The following LRP1B variants were observed in gnomAD, a reference collection of about 807,000 sequenced individuals.
LRP1B encodes low-density lipoprotein receptor-related protein 1B.
LRP1B carries 217 observed loss-of-function variants against 556.6 expected under a neutral mutation model. The ratio of observed to expected loss-of-function variants is 0.39; its 90% CI spans 0.35 to 0.44. The LOEUF (loss-of-function observed/expected upper bound fraction) is 0.44, where lower values mean the gene tolerates loss of function less well. Among genes scored for constraint, LRP1B ranks in the 20% least tolerant of loss-of-function variants. The pLI, the probability that LRP1B is intolerant of heterozygous loss-of-function variation, is 1.00. For missense variants in LRP1B, 5,053 were observed against 5,620.8 expected (o/e 0.90, Z 3.23); for synonymous variants, 2,047 against 1,865.8 (o/e 1.10, Z -2.50).
intron 2 of LRP1B, among the ~76,000 whole-genome samples, chr2:141,543,908 C>G (rs758755776): frequency 2.6e-5 from 4 of 152,082 alleles, no homozygotes; most frequent in African/African-American, 4.8e-5. Flanking sequence ...TACACTGATT[C>G]TCCTCACAGC....
At chr2:141,093,177 T>C (rs1056140006) in intron 7 of LRP1B, among the ~76,000 whole-genome samples, 5 of 151,052 alleles carry the variant, frequency 3.3e-5, no homozygotes, top group Non-Finnish European at 5.9e-5. Context: ...CCAGAGAGAG[T>C]AGAAGGAAAC....
At chr2:141,803,264 G>T (rs1696068765) in intron 2 of LRP1B, among the ~76,000 whole-genome samples, 1 of 150,304 alleles carries the variant, frequency 6.7e-6, no homozygotes, top group Non-Finnish European at 1.5e-5. Context: ...ACCCATTAGT[G>T]CATTGTGAGA....
At chr2:140,562,931 T>G (rs1216816411) in intron 43 of LRP1B, among the ~76,000 whole-genome samples, 1 of 151,976 alleles carries the variant, frequency 6.6e-6, no homozygotes, top group Non-Finnish European at 1.5e-5. Context: ...TTTTTTTAAG[T>G]TGAAAAGTAA....
At chr2:140,801,286 G>T (rs1452616089) in intron 32 of LRP1B, among the ~76,000 whole-genome samples, 1 of 152,102 alleles carries the variant, frequency 6.6e-6, no homozygotes, top group Non-Finnish European at 1.5e-5. Context: ...AATCACACTG[G>T]GGTAAGCAGA....
At chr2:141,060,082 T>C (rs1699295253) in intron 8 of LRP1B, among the ~76,000 whole-genome samples, 1 of 151,830 alleles carries the variant, frequency 6.6e-6, no homozygotes, top group African/African-American at 2.4e-5. Flanking sequence ...TAGAACAAAA[T>C]CACAAAATTT....
chr2:140,767,760 T>C (rs1474548722), intron 35 of LRP1B, among the ~76,000 whole-genome samples: 1 of 151,960 alleles, frequency 6.6e-6, no homozygotes, highest in Non-Finnish European at 1.5e-5. Context: ...CATGGAAATT[T>C]ATCAAATATT....
At chr2:141,212,007 AAATAG>A (rs1286054068) in intron 6 of LRP1B, among the ~76,000 whole-genome samples, 1 of 152,176 alleles carries the variant, frequency 6.6e-6, no homozygotes, top group African/African-American at 2.4e-5. Context: ...TAAATGTGCT[AAATAG>A]AAGATAAGAA....
intron 2 of LRP1B, among the ~76,000 whole-genome samples, chr2:141,714,567 T>A (rs977626204): frequency 1.3e-5 from 2 of 151,804 alleles, no homozygotes; most frequent in Admixed American, 6.6e-5. Context: ...TTGATCTGAA[T>A]GTACCTATTG....
At chr2:141,300,479 T>A (rs1261856938) in intron 3 of LRP1B, among the ~76,000 whole-genome samples, 2 of 152,176 alleles carry the variant, frequency 1.3e-5, no homozygotes, top group African/African-American at 4.8e-5. Context: ...AAACCTAAAC[T>A]AATCTGAAAT....
At chr2:141,573,217 A>G (rs1290971111) in intron 2 of LRP1B, among the ~76,000 whole-genome samples, 1 of 152,196 alleles carries the variant, frequency 6.6e-6, no homozygotes, top group African/African-American at 2.4e-5. Flanking sequence ...TCCTCAGCAA[A>G]TGCAAAATAA....
At chr2:141,087,746 A>G (rs377405299) in intron 7 of LRP1B, among the ~76,000 whole-genome samples, 2 of 152,336 alleles carry the variant, frequency 1.3e-5, no homozygotes, top group East Asian at 3.9e-4. Context: ...AAGGGCAAGT[A>G]GGAGTTTGCC....
At chr2:141,312,834 G>T (rs2714171) in intron 3 of LRP1B, among the ~76,000 whole-genome samples, 10,751 of 151,824 alleles carry the variant, frequency 0.071, 409 homozygotes, top group South Asian at 0.14. Flanking sequence ...GATTACAGGT[G>T]CCTGCCTGGA....
chr2:140,713,662 C>T (rs899493569), intron 37 of LRP1B, among the ~76,000 whole-genome samples: 1 of 152,024 alleles, frequency 6.6e-6, no homozygotes, highest in African/African-American at 2.4e-5. Context: ...GGGAGTCCTA[C>T]CAACAATTAT....
chr2:141,308,262 A>G (rs867326017), intron 3 of LRP1B, among the ~76,000 whole-genome samples: 2 of 152,172 alleles, frequency 1.3e-5, no homozygotes, highest in African/African-American at 4.8e-5. Flanking sequence ...TATAGAAACA[A>G]ATAAACAACA....
At chr2:140,999,047 C>T (rs190874716) in intron 15 of LRP1B, among the ~76,000 whole-genome samples, 1 of 152,066 alleles carries the variant, frequency 6.6e-6, no homozygotes, top group Non-Finnish European at 1.5e-5. Context: ...TAGTTGTCTG[C>T]AGTTTATTTT....
At chr2:140,903,252 A>G in intron 22 of LRP1B, 87 bp from the exon 23 acceptor site, 2 of 1,455,436 alleles carry the variant, frequency 1.4e-6, no homozygotes, top group Non-Finnish European at 1.9e-6. Flanking sequence ...CTCTAAGCCT[A>G]CAATTAGCCA....
intron 5 of LRP1B, among the ~76,000 whole-genome samples, chr2:141,235,478 C>T (rs1193536429): frequency 6.6e-6 from 1 of 151,982 alleles, no homozygotes; most frequent in African/African-American, 2.4e-5. Context: ...CACAAGTTTC[C>T]TGATGGTGTT....
At chr2:140,912,020 A>G (rs910390514) in intron 21 of LRP1B, among the ~76,000 whole-genome samples, 3 of 151,782 alleles carry the variant, frequency 2.0e-5, no homozygotes, top group African/African-American at 4.8e-5. Flanking sequence ...AGAGATATGA[A>G]TAAATATGAA....
chr2:141,807,386 T>C (rs1028662989), intron 2 of LRP1B, among the ~76,000 whole-genome samples: 12 of 152,040 alleles, frequency 7.9e-5, no homozygotes, highest in Admixed American at 3.3e-4. Flanking sequence ...ATAAAACAGG[T>C]ACAAAAAATA....
Sources: allele counts gnomAD v4.1 joint callset (sites outside exome capture counted in the v4.1 genomes callset), GRCh38; gene constraint gnomAD v4.1.1; transcripts MANE v1.5; gene names NCBI Gene and HGNC (gene_info 2026-07-23, HGNC 2026-07-21).